DNAH9: variants seen among roughly 807,000 people sequenced by gnomAD.
The protein encoded by DNAH9 is dynein axonemal heavy chain 9, also known as DNAH9 variant protein.
DNAH9 carries 345 observed loss-of-function variants against 471.6 expected under a neutral mutation model. That is an observed-to-expected ratio of 0.73 (90% CI 0.67 to 0.80). The LOEUF (loss-of-function observed/expected upper bound fraction) is 0.80. Ranked by LOEUF, DNAH9 falls within the 30% of genes least tolerant of loss-of-function variation. The pLI is 0.00. For synonymous variants in DNAH9, 2,093 were observed against 2,123.6 expected (o/e 0.99, Z 0.40); for missense variants, 5,407 against 5,609.2 (o/e 0.96, Z 1.15).
At chr17:11,777,522 G>A (rs1016946416) in intron 38 of DNAH9, among the ~76,000 whole-genome samples, 1 of 152,166 alleles carries the variant, frequency 6.6e-6, no homozygotes, top group Non-Finnish European at 1.5e-5. Context: ...CTTGGTTAAG[G>A]CATCAATGGG....
chr17:11,888,779 G>A lies in DNAH9; in HGVS notation c.11112+1814G>A, dbSNP rs1477369726. 2.6e-5 allele frequency among the ~76,000 whole-genome samples: 4 copies of A among 152,122 alleles called. No individual in the cohort carries two copies. The East Asian group carries it at 7.7e-4, about 29-fold the overall frequency. On this transcript the variant is annotated intron_variant, in intron 57 of 68. Transcript: ENST00000262442. The stretch of plus-strand genomic sequence containing the variant: ...CCTTCTCTGTTTTGAAGAAAAATGG[G>A]CCACTGTAATTTCCATGGTCTTGGC...
intron 59 of DNAH9, among the ~76,000 whole-genome samples, chr17:11,900,579 G>A (rs1344666661): frequency 6.6e-6 from 1 of 150,936 alleles, no homozygotes; most frequent in African/African-American, 2.4e-5. Context: ...ACCTACCAAG[G>A]CCTCCCTCAT....
intron 5 of DNAH9, among the ~76,000 whole-genome samples, chr17:11,618,245 CT>C (rs2072784842): frequency 6.6e-6 from 1 of 152,146 alleles, no homozygotes; most frequent in South Asian, 2.1e-4. Flanking sequence ...CTTAGGGACC[CT>C]TGTAGCACCA....
chr17:11,756,274 CAAAAAAA>C, intron 33 of DNAH9, among the ~76,000 whole-genome samples: 1 of 135,714 alleles, frequency 7.4e-6, no homozygotes, highest in East Asian at 2.1e-4. Context: ...GAGACTCTGT[CAAAAAAA>C]AAAAAAAAAA....
At chr17:11,607,032 T>C (rs2072523940) in intron 1 of DNAH9, among the ~76,000 whole-genome samples, 1 of 152,188 alleles carries the variant, frequency 6.6e-6, no homozygotes, top group Non-Finnish European at 1.5e-5. Context: ...AGGAACTATG[T>C]TGGGTGGCCA....
chr17:11,904,058 T>A (rs1424555675), intron 60 of DNAH9, among the ~76,000 whole-genome samples: 1 of 152,198 alleles, frequency 6.6e-6, no homozygotes, highest in Non-Finnish European at 1.5e-5. Context: ...GAGTGAGATG[T>A]TCCCATTTGT....
chr17:11,717,951 G>A (rs1567745950), intron 26 of DNAH9, among the ~76,000 whole-genome samples: 1 of 152,112 alleles, frequency 6.6e-6, no homozygotes, highest in South Asian at 2.1e-4. Flanking sequence ...TCAGCTGACT[G>A]CAACCTCCTC....
In DNAH9 at chr17:11,905,833, C is replaced by T. The variant is rs1281586415; in HGVS notation, c.11749+24C>T. ...AGGTGAGAAAGGCGTCCTCTTGGAG[C>T]CAGGGCTGCATTTGCCCCATGCACT... On this transcript the variant is annotated intron_variant, in intron 61 of 68. Coordinates refer to ENST00000262442, the MANE Select transcript of DNAH9 (RefSeq NM_001372.4). 1.9e-6 allele frequency: 3 copies of T among 1,587,796 alleles called. No homozygotes were observed. In the South Asian group the frequency reaches 3.4e-5, roughly 18 times the overall value.
intron 67 of DNAH9, among the ~76,000 whole-genome samples, 174 bp from the exon 68 acceptor site, chr17:11,961,693 T>C (rs1011098582): frequency 6.6e-6 from 1 of 152,200 alleles, no homozygotes; most frequent in Non-Finnish European, 1.5e-5. Context: ...AAGCAAGTAC[T>C]AGACAGGACA....
intron 52 of DNAH9, among the ~76,000 whole-genome samples, chr17:11,872,886 C>T (rs1299967071): frequency 3.3e-5 from 5 of 152,220 alleles, no homozygotes; most frequent in Admixed American, 3.3e-4. Flanking sequence ...CACCACTGCA[C>T]TCCAGCCTGG....
chr17:11,922,520 C>T (rs926405565), intron 61 of DNAH9, among the ~76,000 whole-genome samples: 5 of 152,114 alleles, frequency 3.3e-5, no homozygotes, highest in Admixed American at 6.5e-5. Flanking sequence ...TTCCCTTGGG[C>T]GTGGAGAGCA....
rs1474394466 is a variant in DNAH9 at position 11,929,965 on chromosome 17, G to C, written c.11977G>C (p.Glu3993Gln). 7.4e-6 allele frequency: 12 copies of C among 1,613,930 alleles called. No individual in the cohort carries two copies. In the African/African-American group the frequency reaches 1.6e-4, roughly 22 times the overall value. Reference protein sequence around the residue: ...HPEFRVFMSAEPAPSPEGHII... With the variant: ...HPEFRVFMSAQPAPSPEGHII... ...AGAGTTCAGGGTCTTCATGAGTGCA[G>C]AGCCAGCACCCTCCCCTGAGGGCCA... The change falls in exon 63 of 69, where the codon GAG (glutamate) becomes CAG (glutamine). Residue 3993 changes from glutamate (E) to glutamine (Q), a missense_variant. Glu to Gln is a conservative substitution (Grantham distance 29). Around this residue, in one of 3 missense-constraint regions of DNAH9, gnomAD observed 4,636 missense variants for 4,900.3 expected, o/e 0.95. Transcript: ENST00000262442.
intron 19 of DNAH9, among the ~76,000 whole-genome samples, chr17:11,687,917 T>C (rs1244380144): frequency 6.6e-6 from 1 of 151,366 alleles, no homozygotes; most frequent in Non-Finnish European, 1.5e-5. Context: ...AGGTGGATCA[T>C]GAGGTCAGGA....
intron 49 of DNAH9, among the ~76,000 whole-genome samples, chr17:11,850,730 T>C (rs1043890978): frequency 6.6e-6 from 1 of 151,980 alleles, no homozygotes; most frequent in Middle Eastern, 3.2e-3. Flanking sequence ...CCCATGAGAG[T>C]TGACTTGAGG....
intron 8 of DNAH9, among the ~76,000 whole-genome samples, chr17:11,635,333 ATTTTTTTTTTT>A (rs746022574): frequency 3.2e-5 from 3 of 94,666 alleles, no homozygotes; most frequent in East Asian, 3.2e-4. Flanking sequence ...TGACTCGCTA[ATTTTTTTTTTT>A]TTTTTTTTTT....
chr17:11,880,316 C>G (rs1972669809), intron 54 of DNAH9, 116 bp downstream of exon 54: 5 of 1,296,748 alleles, frequency 3.9e-6, no homozygotes, highest in Non-Finnish European at 5.3e-6. Flanking sequence ...TGTCAAGTAG[C>G]TCCCTGCAGC....
chr17:11,629,126 T>G (rs2073020940), intron 6 of DNAH9, among the ~76,000 whole-genome samples: 1 of 152,084 alleles, frequency 6.6e-6, no homozygotes, highest in Non-Finnish European at 1.5e-5. Flanking sequence ...ACTTTAAGTT[T>G]TAGGGTACAT....
chr17:11,796,293 T>C (rs751933074), intron 42 of DNAH9, among the ~76,000 whole-genome samples: 4 of 152,264 alleles, frequency 2.6e-5, no homozygotes, highest in Non-Finnish European at 5.9e-5. Flanking sequence ...TGTGTTTTCC[T>C]AATAGCAAGA....
At chr17:11,648,847 C>A (rs1292458453) in intron 12 of DNAH9, among the ~76,000 whole-genome samples, 7 of 151,970 alleles carry the variant, frequency 4.6e-5, no homozygotes, top group Admixed American at 6.6e-5. Flanking sequence ...TGAACAGGGC[C>A]GGGCGTGGTG....
Sources: allele counts gnomAD v4.1 joint callset (sites outside exome capture counted in the v4.1 genomes callset), GRCh38; gene constraint gnomAD v4.1.1; regional missense constraint gnomAD v4.1.1; transcripts MANE v1.5; gene names NCBI Gene and HGNC (gene_info 2026-07-23, HGNC 2026-07-21).